The following CTNNA2 variants were observed in gnomAD, a reference collection of about 807,000 sequenced individuals.
CTNNA2 encodes the protein catenin alpha 2.
In CTNNA2, 42 loss-of-function variants were observed where a neutral mutation model predicts 101.0. That is an observed-to-expected ratio of 0.42 (90% CI 0.32 to 0.54). The LOEUF is 0.54. Among genes scored for constraint, CTNNA2 ranks in the 20% least tolerant of loss-of-function variants. CTNNA2 has a pLI of 0.14. For synonymous variants in CTNNA2, 450 were observed against 456.4 expected, an observed-to-expected ratio of 0.99 and a Z score of 0.18; for missense variants, 871 against 1,223.1, an observed-to-expected ratio of 0.71 and a Z score of 4.29.
intron 9 of CTNNA2, among the ~76,000 whole-genome samples, chr2:80,541,748 C>T (rs1487950441): frequency 2.0e-5 from 3 of 151,644 alleles, no homozygotes; most frequent in Non-Finnish European, 4.4e-5. Context: ...GGTAGGTACC[C>T]TCTACTGTCT....
chr2:80,243,409 C>G (rs1671090794), intron 7 of CTNNA2, among the ~76,000 whole-genome samples: 1 of 151,890 alleles, frequency 6.6e-6, no homozygotes, highest in African/African-American at 2.4e-5. Flanking sequence ...TTTCCTTGGG[C>G]TATTTGCACC....
chr2:80,634,806 A>G (rs1192469617), intron 18 of CTNNA2, among the ~76,000 whole-genome samples: 1 of 152,152 alleles, frequency 6.6e-6, no homozygotes, highest in Non-Finnish European at 1.5e-5. Flanking sequence ...ACATGATGGC[A>G]GATTAGATGT....
intron 4 of CTNNA2, among the ~76,000 whole-genome samples, chr2:79,413,534 A>C (rs1678441543): frequency 6.6e-6 from 1 of 152,038 alleles, no homozygotes; most frequent in Admixed American, 6.6e-5. Context: ...TGGGAGTGTG[A>C]ATACCTCTTT....
chr2:79,829,402 CACACACACACACAG>C (rs1442818478), intron 3 of CTNNA2, among the ~76,000 whole-genome samples: 4 of 145,342 alleles, frequency 2.8e-5, no homozygotes, highest in African/African-American at 7.8e-5. Flanking sequence ...CACACACACA[CACACACACACACAG>C]ACACAAAGCC....
chr2:79,967,802 A>G (rs888280192), intron 7 of CTNNA2, among the ~76,000 whole-genome samples: 5 of 152,246 alleles, frequency 3.3e-5, no homozygotes. Flanking sequence ...ACAATAGCCA[A>G]ATGGTGGAAT....
In CTNNA2 at chr2:79,745,303, C is replaced by T. The variant is rs576072574; in HGVS notation, c.298+721C>T. ...AAAATTAGCCGGGCATGGCAGCGTG[C>T]GCCTGTAGTCCCAGCCACTCAGGGG... On this transcript the variant is annotated intron_variant, in intron 3 of 18. Coordinates refer to ENST00000402739, the MANE Select transcript of CTNNA2 (RefSeq NM_001282597.3). Among the ~76,000 whole-genome samples, 6 of 151,966 alleles carry T rather than the reference C, an allele frequency of 3.9e-5. 1 individual carries two copies. The highest frequency in any genetic ancestry group is 1.2e-4 in the African/African-American group (5 of 41,448).
chr2:79,693,174 ATTAAAG>A (rs911290353), intron 2 of CTNNA2, among the ~76,000 whole-genome samples: 33 of 152,112 alleles, frequency 2.2e-4, no homozygotes, highest in African/African-American at 5.5e-4. Context: ...AAGAAGAACA[ATTAAAG>A]TTAAAATGTG....
chr2:80,646,842 T>C (rs1350511416), intron 18 of CTNNA2, among the ~76,000 whole-genome samples: 1 of 152,030 alleles, frequency 6.6e-6, no homozygotes, highest in Non-Finnish European at 1.5e-5. Context: ...CTAAAACCTG[T>C]GCTAGTTACT....
chr2:79,201,023 T>C (rs923810318), intron 2 of CTNNA2, among the ~76,000 whole-genome samples: 1 of 152,174 alleles, frequency 6.6e-6, no homozygotes, highest in Admixed American at 6.5e-5. Flanking sequence ...CAGTTTGACT[T>C]GGCTAGCAAA....
intron 7 of CTNNA2, among the ~76,000 whole-genome samples, chr2:80,111,415 A>C (rs1449520603): frequency 6.6e-6 from 1 of 152,218 alleles, no homozygotes; most frequent in African/African-American, 2.4e-5. Context: ...ATTCCAATGC[A>C]AGCCCTGCAC....
In CTNNA2 at chr2:80,555,616, G is replaced by T. The variant is rs1692964023; in HGVS notation, c.1541-77G>T. 5 of 811,920 alleles carry T rather than the reference G, an allele frequency of 6.2e-6. No homozygotes were observed. The East Asian group carries it at 1.4e-4, about 23-fold the overall frequency. 50.3% of individuals were successfully genotyped at this position (811,920 alleles called of 1,614,324 possible). Reference sequence around the variant, plus strand: ...AGATGTGTCCAAGGCAAGGGCTCATGAGAGTTGAATCAATTTTAATTGGTT... The same window carrying T: ...AGATGTGTCCAAGGCAAGGGCTCATTAGAGTTGAATCAATTTTAATTGGTT... On this transcript the variant is annotated intron_variant, in intron 11 of 18. Transcript: ENST00000402739.
At chr2:80,094,044 C>T (rs1404884602) in intron 7 of CTNNA2, among the ~76,000 whole-genome samples, 2 of 152,168 alleles carry the variant, frequency 1.3e-5, no homozygotes, top group Admixed American at 6.5e-5. Context: ...CTTTTGTTGC[C>T]ATTGCTTTTG....
At chr2:79,831,129 T>A (rs993652895) in intron 3 of CTNNA2, among the ~76,000 whole-genome samples, 27 of 152,152 alleles carry the variant, frequency 1.8e-4, no homozygotes, top group South Asian at 2.1e-4. Context: ...TATAGTTTGC[T>A]TAATCATTTT....
At chr2:80,383,989 A>C (rs1187827632) in intron 7 of CTNNA2, among the ~76,000 whole-genome samples, 1 of 152,212 alleles carries the variant, frequency 6.6e-6, no homozygotes, top group Non-Finnish European at 1.5e-5. Context: ...GCAGCCACAA[A>C]AAAGAACAAG....
chr2:80,389,224 G>A (rs879543706), intron 7 of CTNNA2, among the ~76,000 whole-genome samples: 3 of 151,926 alleles, frequency 2.0e-5, no homozygotes, highest in Non-Finnish European at 4.4e-5. Flanking sequence ...GTCTTTTATT[G>A]TTTCTAGCAC....
chr2:80,544,496 G>A (rs2149628161), intron 9 of CTNNA2, among the ~76,000 whole-genome samples: 1 of 152,216 alleles, frequency 6.6e-6, no homozygotes, highest in South Asian at 2.1e-4. Flanking sequence ...TTGGCTATTA[G>A]TGGACTAAAA....
At chr2:79,248,590 C>T (rs889585520) in intron 2 of CTNNA2, among the ~76,000 whole-genome samples, 7 of 152,068 alleles carry the variant, frequency 4.6e-5, no homozygotes, top group East Asian at 1.9e-4. Context: ...GGTCCTGCCC[C>T]GTAGTCTGTG....
intron 3 of CTNNA2, among the ~76,000 whole-genome samples, chr2:79,841,270 T>A (rs1207196973): frequency 2.0e-5 from 3 of 152,198 alleles, no homozygotes; most frequent in African/African-American, 7.2e-5. Context: ...TCCTACTTTT[T>A]TATTGGTACA....
rs190051760 is a variant in CTNNA2, at chr2:80,481,311, T to G, written c.1290+61710T>G. 1.7e-3 allele frequency among the ~76,000 whole-genome samples: 253 copies of G among 152,188 alleles called. 2 individuals are homozygous for G. Among genetic ancestry groups the G allele is most frequent in the African/African-American group, 5.7e-3 (235 of 41,538 alleles). On this transcript the variant is annotated intron_variant, in intron 9 of 18. Transcript: ENST00000402739. ...TGTCTGTTCTCATTTCTTTGGGGTATTGTATACATTGACTTAACACCCCAT... is the reference window on the plus strand; with the variant it reads ...TGTCTGTTCTCATTTCTTTGGGGTAGTGTATACATTGACTTAACACCCCAT...
Sources: allele counts gnomAD v4.1 joint callset (sites outside exome capture counted in the v4.1 genomes callset), GRCh38; gene constraint gnomAD v4.1.1; transcripts MANE v1.5; gene names NCBI Gene and HGNC (gene_info 2026-07-23, HGNC 2026-07-21).